The following PYDC5 variants were observed in gnomAD, a reference collection of about 807,000 sequenced individuals.
PYDC5 encodes the protein pyrin domain containing 5.
At chr1:159,001,086 A>T in the PYDC5 span, among the ~76,000 whole-genome samples, 1 of 152,208 alleles carries the variant, frequency 6.6e-6, no homozygotes. Context: ...ATTAAACATA[A>T]TACTTCCAAA....
At chr1:159,002,084 G>A in the PYDC5 span, among the ~76,000 whole-genome samples, 1 of 152,142 alleles carries the variant, frequency 6.6e-6, no homozygotes, top group East Asian at 1.9e-4. Flanking sequence ...CTATCTCCAG[G>A]TTGTAAATAC....
At chr1:159,001,755 A>G in the PYDC5 span, among the ~76,000 whole-genome samples, 1 of 152,216 alleles carries the variant, frequency 6.6e-6, no homozygotes, top group Non-Finnish European at 1.5e-5. Context: ...ATATATAAGA[A>G]AATTAAGACA....
chr1:159,001,084 TA>T, the PYDC5 span, among the ~76,000 whole-genome samples: 1 of 152,176 alleles, frequency 6.6e-6, no homozygotes, highest in Non-Finnish European at 1.5e-5. Flanking sequence ...AAATTAAACA[TA>T]ATACTTCCAA....
At chr1:159,002,229 C>G in the PYDC5 span, among the ~76,000 whole-genome samples, 5 of 152,024 alleles carry the variant, frequency 3.3e-5, no homozygotes, top group Non-Finnish European at 5.9e-5. Flanking sequence ...GAATTCAAGT[C>G]TTCTGAATCC....
the PYDC5 span, among the ~76,000 whole-genome samples, chr1:159,002,586 T>C: frequency 6.6e-6 from 1 of 152,224 alleles, no homozygotes; most frequent in Non-Finnish European, 1.5e-5. Flanking sequence ...CTTCATAGAA[T>C]TTATCTGCTT....
the PYDC5 span, chr1:159,000,228 G>T: frequency 3.8e-6 from 1 of 260,102 alleles, no homozygotes; most frequent in South Asian, 7.4e-5. Context: ...TCATCTGGAA[G>T]AAAGCACTTA....
At chr1:159,001,516 A>G in the PYDC5 span, among the ~76,000 whole-genome samples, 1 of 152,256 alleles carries the variant, frequency 6.6e-6, no homozygotes, top group Non-Finnish European at 1.5e-5. Context: ...TTTATAAAGT[A>G]TTTTAAGGGA....
the PYDC5 span, among the ~76,000 whole-genome samples, chr1:159,002,547 G>A: frequency 0.057 from 8,620 of 151,926 alleles, 533 homozygotes; most frequent in East Asian, 0.26. Flanking sequence ...GCACGATACC[G>A]TTACTATTAC....
At chr1:159,000,176 G>T in the PYDC5 span, 1 of 213,844 alleles carries the variant, frequency 4.7e-6, no homozygotes. Flanking sequence ...TTGGCTACTC[G>T]TGCTGTTTAG....
At chr1:159,001,318 G>A in the PYDC5 span, among the ~76,000 whole-genome samples, 4 of 152,166 alleles carry the variant, frequency 2.6e-5, no homozygotes, top group Non-Finnish European at 4.4e-5. Context: ...CCAAGAACAA[G>A]AAAGGATGTT....
the PYDC5 span, among the ~76,000 whole-genome samples, chr1:159,002,738 A>G: frequency 6.6e-6 from 1 of 152,198 alleles, no homozygotes; most frequent in Non-Finnish European, 1.5e-5. Flanking sequence ...TACTCCTACC[A>G]CCTAGAGTAG....
chr1:159,000,196 T>C, the PYDC5 span: 2 of 242,000 alleles, frequency 8.3e-6, no homozygotes, highest in East Asian at 1.8e-4. Flanking sequence ...GAGTATGCAG[T>C]TTGCCTGTGG....
chr1:159,001,714 C>T, the PYDC5 span, among the ~76,000 whole-genome samples: 3 of 152,162 alleles, frequency 2.0e-5, no homozygotes, highest in Admixed American at 6.5e-5. Context: ...AACCCTATTA[C>T]GTGCTAACAT....
At chr1:159,001,597 A>C in the PYDC5 span, among the ~76,000 whole-genome samples, 803 of 152,280 alleles carry the variant, frequency 5.3e-3, 2 homozygotes, top group Middle Eastern at 0.017. Context: ...CTGTCTTACC[A>C]GTGAAAGAAA....
the PYDC5 span, among the ~76,000 whole-genome samples, chr1:159,001,587 CT>C: frequency 2.0e-5 from 3 of 152,266 alleles, no homozygotes; most frequent in Non-Finnish European, 4.4e-5. Context: ...ATGAACGCCC[CT>C]GTCTTACCAG....
At chr1:159,001,296 A>G in the PYDC5 span, among the ~76,000 whole-genome samples, 48,166 of 152,122 alleles carry the variant, frequency 0.32, 9,596 homozygotes, top group Admixed American at 0.52. Context: ...CCTATATGGT[A>G]GAGGACTTGA....
chr1:159,000,780 G>C, the PYDC5 span, among the ~76,000 whole-genome samples: 1 of 152,160 alleles, frequency 6.6e-6, no homozygotes, highest in Non-Finnish European at 1.5e-5. Flanking sequence ...CCCAGTGTTG[G>C]AGGTGGGGCT....
the PYDC5 span, among the ~76,000 whole-genome samples, chr1:159,000,853 G>T: frequency 2.6e-5 from 4 of 152,074 alleles, no homozygotes; most frequent in Admixed American, 2.6e-4. Context: ...CCATCCCCTG[G>T]TTGATGAGTG....
the PYDC5 span, among the ~76,000 whole-genome samples, chr1:159,001,012 A>T: frequency 6.6e-6 from 1 of 152,230 alleles, no homozygotes; most frequent in Admixed American, 6.5e-5. Flanking sequence ...GGTGCAAGTC[A>T]GGAAGGGAAA....
Sources: gnomAD v4.1 joint callset for allele counts (sites outside exome capture counted in the v4.1 genomes callset) on GRCh38, gnomAD v4.1.1 for gene constraint, MANE v1.5 for transcripts, NCBI Gene and HGNC (gene_info 2026-07-23, HGNC 2026-07-21) for gene names.